The following ATP11B variants were observed in gnomAD, a reference collection of about 807,000 sequenced individuals.
The protein encoded by ATP11B is ATPase phospholipid transporting 11B (putative), also known as phospholipid-transporting ATPase IF.
A neutral mutation model predicts 157.8 loss-of-function variants in ATP11B; 81 were observed. The observed-to-expected ratio is 0.51, with a 90% confidence interval of 0.43 to 0.62. The LOEUF (loss-of-function observed/expected upper bound fraction) is 0.62. Among genes scored for constraint, ATP11B ranks in the 20% least tolerant of loss-of-function variants. ATP11B has a pLI of 0.00. For synonymous variants in ATP11B, 451 were observed against 469.4 expected (o/e 0.96, Z 0.51); for missense variants, 1,165 against 1,402.2 (o/e 0.83, Z 2.70).
chr3:182,832,027 C>T (rs1718188166), intron 4 of ATP11B, among the ~76,000 whole-genome samples: 1 of 152,096 alleles, frequency 6.6e-6, no homozygotes, highest in Admixed American at 6.6e-5. Context: ...TGCAATACCT[C>T]TTGTCCTTAT....
intron 12 of ATP11B, among the ~76,000 whole-genome samples, chr3:182,863,194 G>A (rs929602825): frequency 1.6e-4 from 25 of 152,132 alleles, no homozygotes; most frequent in African/African-American, 4.6e-4. Flanking sequence ...ATGAGCCACC[G>A]CGCCTGGCCA....
At chr3:182,902,144 T>C (rs1724011605) in intron 28 of ATP11B, among the ~76,000 whole-genome samples, 1 of 152,218 alleles carries the variant, frequency 6.6e-6, no homozygotes, top group South Asian at 2.1e-4. Context: ...TCATTCCTGA[T>C]TTCAAATGAT....
chr3:182,853,515 T>C (rs534810981), intron 10 of ATP11B, among the ~76,000 whole-genome samples: 23 of 152,242 alleles, frequency 1.5e-4, no homozygotes, highest in African/African-American at 4.8e-4. Context: ...TTATATCTTA[T>C]AATAGTAAGA....
At chr3:182,904,826 T>C (rs1165170350) in intron 28 of ATP11B, among the ~76,000 whole-genome samples, 2 of 148,090 alleles carry the variant, frequency 1.4e-5, no homozygotes, top group Admixed American at 6.9e-5. Flanking sequence ...GAGTTGGAGA[T>C]TGCAGTGAGC....
At chr3:182,841,993 A>AC in intron 7 of ATP11B, 82 bp from the exon 8 acceptor site, 1 of 910,832 alleles carries the variant, frequency 1.1e-6, no homozygotes, top group South Asian at 1.5e-5. Context: ...AAAAAAAAAA[A>AC]AAAACAAAGG....
intron 1 of ATP11B, among the ~76,000 whole-genome samples, chr3:182,800,744 G>A (rs373836749): frequency 2.7e-5 from 4 of 149,440 alleles, no homozygotes; most frequent in Non-Finnish European, 3.0e-5. Flanking sequence ...TTTAATTTTC[G>A]TATTTTCTTA....
At chr3:182,890,737 C>T (rs926931424) in intron 25 of ATP11B, among the ~76,000 whole-genome samples, 1 of 152,168 alleles carries the variant, frequency 6.6e-6, no homozygotes, top group African/African-American at 2.4e-5. Flanking sequence ...ATGCCTGGTA[C>T]ATTACATGCA....
At chr3:182,901,129 C>T (rs948866152) in intron 28 of ATP11B, among the ~76,000 whole-genome samples, 2 of 151,710 alleles carry the variant, frequency 1.3e-5, no homozygotes, top group Non-Finnish European at 2.9e-5. Context: ...GCTGAGATGG[C>T]GCCACTGCAC....
intron 9 of ATP11B, among the ~76,000 whole-genome samples, chr3:182,847,250 G>A (rs1719606384): frequency 6.6e-6 from 1 of 152,144 alleles, no homozygotes; most frequent in South Asian, 2.1e-4. Context: ...CGTTGGCCAG[G>A]TTGGTCTCGA....
At chr3:182,910,228 A>AT (rs1169591125) in intron 28 of ATP11B, among the ~76,000 whole-genome samples, 2 of 152,034 alleles carry the variant, frequency 1.3e-5, no homozygotes, top group Admixed American at 6.5e-5. Flanking sequence ...ACATTTCAAG[A>AT]TGTTTACCTT....
rs1725283275 is a variant in ATP11B at position 182,918,610 on chromosome 3, TC to T, written c.*509del. On this transcript the variant is annotated 3_prime_UTR_variant, in exon 30 of 30. Transcript: ENST00000323116. ...TAATGTGAATACTGAGGAATTTTGG[TC>T]CCTCAGTGACCTGTGTTGTTAATTC... 2.7e-6 allele frequency: 1 copy of T among 369,580 alleles called. No homozygotes were observed. The highest frequency in any genetic ancestry group is 4.5e-5 in the Admixed American group (1 of 22,016). 22.9% of individuals were successfully genotyped at this position (369,580 alleles called of 1,614,324 possible).
At chr3:182,831,520 A>C (rs535865799) in intron 4 of ATP11B, among the ~76,000 whole-genome samples, 5 of 152,248 alleles carry the variant, frequency 3.3e-5, no homozygotes, top group Admixed American at 6.5e-5. Context: ...TCAGTGATCT[A>C]CAAAGACATA....
At chr3:182,824,933 G>A (rs143714093) in intron 2 of ATP11B, among the ~76,000 whole-genome samples, 142 of 152,256 alleles carry the variant, frequency 9.3e-4, no homozygotes, top group Middle Eastern at 6.8e-3. Flanking sequence ...TTATGTTTTT[G>A]TAGAAAGGTA....
At chr3:182,829,139 A>G (rs967752013) in intron 3 of ATP11B, among the ~76,000 whole-genome samples, 15 of 152,214 alleles carry the variant, frequency 9.9e-5, no homozygotes, top group African/African-American at 3.4e-4. Flanking sequence ...ACATCCATAC[A>G]TTTGTGAAAT....
intron 2 of ATP11B, among the ~76,000 whole-genome samples, chr3:182,826,546 A>G (rs1010050644): frequency 6.6e-6 from 1 of 152,148 alleles, no homozygotes; most frequent in Non-Finnish European, 1.5e-5. Context: ...TACATTGAAC[A>G]TTGACTTCCT....
At chr3:182,902,566 G>C (rs1228213153) in intron 28 of ATP11B, 1 of 1,288,690 alleles carries the variant, frequency 7.8e-7, no homozygotes, top group African/African-American at 1.5e-5. Context: ...AGCAAACTTA[G>C]GTAGAGTAGG....
At chr3:182,834,972 G>T (rs1453102415) in intron 4 of ATP11B, among the ~76,000 whole-genome samples, 1 of 152,180 alleles carries the variant, frequency 6.6e-6, no homozygotes, top group African/African-American at 2.4e-5. Flanking sequence ...GTCAGCTAGA[G>T]AAAAGAACAT....
rs1473823526 is a variant in ATP11B, at chr3:182,918,456, T to C, written c.*352T>C. 1 of 398,610 alleles carries C rather than the reference T, an allele frequency of 2.5e-6. No individual in the cohort carries two copies. Among genetic ancestry groups the C allele is most frequent in the East Asian group, 3.6e-5 (1 of 28,048 alleles). 24.7% of individuals were successfully genotyped at this position (398,610 alleles called of 1,614,324 possible). ...AAAAGAGAGAAATCTTAGTAAAGAG[T>C]ATTTTTTAGTATTAGCTTGATTATT... On this transcript the variant is annotated 3_prime_UTR_variant, in exon 30 of 30. Transcript: ENST00000323116.
intron 4 of ATP11B, among the ~76,000 whole-genome samples, chr3:182,831,369 G>A (rs1428881786): frequency 6.6e-6 from 1 of 152,052 alleles, no homozygotes; most frequent in African/African-American, 2.4e-5. Context: ...TTTCTGAAGA[G>A]TTCTCTCATT....
Sources: gnomAD v4.1 joint callset for allele counts (sites outside exome capture counted in the v4.1 genomes callset) on GRCh38, gnomAD v4.1.1 for gene constraint, MANE v1.5 for transcripts, NCBI Gene and HGNC (gene_info 2026-07-23, HGNC 2026-07-21) for gene names.